The following SLC71A1 variants were observed in gnomAD, a reference collection of about 807,000 sequenced individuals.
SLC71A1 encodes hippocampus abundant gene transcript 1.
At chr1:100,072,236 C>T in the SLC71A1 span, among the ~76,000 whole-genome samples, 1 of 152,174 alleles carries the variant, frequency 6.6e-6, no homozygotes, top group African/African-American at 2.4e-5. Flanking sequence ...GTATTTCTCC[C>T]TCCTCTCCAG....
the SLC71A1 span, among the ~76,000 whole-genome samples, chr1:100,076,078 C>T: frequency 6.6e-6 from 1 of 152,198 alleles, no homozygotes; most frequent in South Asian, 2.1e-4. Context: ...CTACATGGAA[C>T]TCAGTCTTAT....
the SLC71A1 span, chr1:100,049,886 T>C: frequency 7.4e-7 from 1 of 1,342,742 alleles, no homozygotes; most frequent in Non-Finnish European, 1.0e-6. Flanking sequence ...TTTTAACTTT[T>C]TAAAAAATCT....
At chr1:100,038,152 G>A in the SLC71A1 span, 1 of 1,260,460 alleles carries the variant, frequency 7.9e-7, no homozygotes. Flanking sequence ...CGGCCCGGCA[G>A]TAGTGGTGGG....
the SLC71A1 span, among the ~76,000 whole-genome samples, chr1:100,047,275 T>C: frequency 6.6e-6 from 1 of 152,240 alleles, no homozygotes; most frequent in Non-Finnish European, 1.5e-5. Flanking sequence ...TGTTGAATTT[T>C]AGTAAATGCT....
chr1:100,060,271 A>G, the SLC71A1 span, among the ~76,000 whole-genome samples: 1 of 152,188 alleles, frequency 6.6e-6, no homozygotes, highest in Non-Finnish European at 1.5e-5. Context: ...AAATTTCAAA[A>G]CAATATTTTG....
the SLC71A1 span, among the ~76,000 whole-genome samples, chr1:100,041,352 GT>G: frequency 6.6e-6 from 1 of 152,126 alleles, no homozygotes; most frequent in African/African-American, 2.4e-5. Flanking sequence ...TTACATTAAG[GT>G]GTGTGATTTT....
chr1:100,044,079 T>C, the SLC71A1 span, among the ~76,000 whole-genome samples: 1 of 152,220 alleles, frequency 6.6e-6, no homozygotes, highest in Non-Finnish European at 1.5e-5. Context: ...AGTAGTGGGA[T>C]TGCTGGATCA....
At chr1:100,072,107 C>G in the SLC71A1 span, among the ~76,000 whole-genome samples, 1 of 152,196 alleles carries the variant, frequency 6.6e-6, no homozygotes, top group Admixed American at 6.5e-5. Flanking sequence ...TGAGCTACTA[C>G]ATTATTACAT....
the SLC71A1 span, chr1:100,080,559 A>G: frequency 2.5e-6 from 4 of 1,613,920 alleles, no homozygotes; most frequent in African/African-American, 1.3e-5. Flanking sequence ...CCGGCCCTCT[A>G]TGGATTCATT....
chr1:100,045,871 A>G, the SLC71A1 span, among the ~76,000 whole-genome samples: 42 of 152,198 alleles, frequency 2.8e-4, no homozygotes, highest in African/African-American at 3.6e-4. Flanking sequence ...TGTATTCCCA[A>G]TGTTTTCTTC....
the SLC71A1 span, among the ~76,000 whole-genome samples, chr1:100,057,210 G>C: frequency 6.6e-6 from 1 of 152,060 alleles, no homozygotes; most frequent in Admixed American, 6.6e-5. Flanking sequence ...GGCTGCCTGT[G>C]CTTGTGGAGT....
At chr1:100,073,676 T>C in the SLC71A1 span, among the ~76,000 whole-genome samples, 1 of 152,230 alleles carries the variant, frequency 6.6e-6, no homozygotes, top group Non-Finnish European at 1.5e-5. Flanking sequence ...GTCCGTGTGT[T>C]GATGGATACT....
the SLC71A1 span, among the ~76,000 whole-genome samples, chr1:100,074,870 G>A: frequency 5.9e-5 from 9 of 151,926 alleles, 1 homozygote; most frequent in South Asian, 4.1e-4. Flanking sequence ...GCGAGACTCC[G>A]TCTCAAAAGA....
chr1:100,083,056 G>C, the SLC71A1 span: 1 of 152,434 alleles, frequency 6.6e-6, no homozygotes, highest in Non-Finnish European at 1.5e-5. Context: ...GGCCTTTCAG[G>C]ACTGTCACAG....
At chr1:100,045,315 T>C in the SLC71A1 span, among the ~76,000 whole-genome samples, 1 of 152,216 alleles carries the variant, frequency 6.6e-6, no homozygotes, top group Non-Finnish European at 1.5e-5. Context: ...TGCTGGAATA[T>C]AGCAGTGCTA....
chr1:100,068,480 A>G, the SLC71A1 span: 15 of 1,610,008 alleles, frequency 9.3e-6, no homozygotes, highest in South Asian at 6.6e-5. Context: ...TAGTCCTTAA[A>G]AAAAGTCGGC....
At chr1:100,043,341 G>C in the SLC71A1 span, 2 of 269,814 alleles carry the variant, frequency 7.4e-6, no homozygotes, top group African/African-American at 2.3e-5. Context: ...GACAGTTTCA[G>C]CCAGGGTACA....
At chr1:100,059,854 A>AT in the SLC71A1 span, 2 of 1,580,616 alleles carry the variant, frequency 1.3e-6, no homozygotes, top group Non-Finnish European at 1.7e-6. Flanking sequence ...TGTGGTATTC[A>AT]TTTTTTTCAT....
chr1:100,051,039 C>T, the SLC71A1 span, among the ~76,000 whole-genome samples: 1 of 149,128 alleles, frequency 6.7e-6, no homozygotes, highest in Admixed American at 6.7e-5. Flanking sequence ...GACCCGATAT[C>T]GTGCCACCAC....
Sources: gnomAD v4.1 joint callset for allele counts (sites outside exome capture counted in the v4.1 genomes callset) on GRCh38, gnomAD v4.1.1 for gene constraint, MANE v1.5 for transcripts, NCBI Gene and HGNC (gene_info 2026-07-23, HGNC 2026-07-21) for gene names.